The following CHSY3 variants were observed in gnomAD, a reference collection of about 807,000 sequenced individuals.
CHSY3 encodes the protein N-acetylgalactosaminyl-proteoglycan 3-beta-glucuronosyltransferase 3.
CHSY3 carries 35 observed loss-of-function variants against 67.2 expected under a neutral mutation model. The observed-to-expected ratio is 0.52, with a 90% CI of 0.40 to 0.69. The LOEUF is 0.69. Among genes scored for constraint, CHSY3 ranks in the 30% least tolerant of loss-of-function variants. The probability of loss-of-function intolerance (pLI) is 0.00; values close to 1 mark genes in which losing one functional copy is unlikely to be tolerated. For missense variants in CHSY3, 1,069 were observed against 1,138.5 expected, an observed-to-expected ratio of 0.94 and a Z score of 0.88; for synonymous variants, 474 against 434.7, an observed-to-expected ratio of 1.09 and a Z score of -1.12.
chr5:129,959,086 T>C (rs1762258260), intron 2 of CHSY3, among the ~76,000 whole-genome samples: 1 of 152,116 alleles, frequency 6.6e-6, no homozygotes, highest in African/African-American at 2.4e-5. Context: ...CTTTAGTGAA[T>C]TTGCATATTC....
intron 2 of CHSY3, among the ~76,000 whole-genome samples, chr5:129,963,196 GGCTTGGAAA>G (rs1762383290): frequency 6.6e-6 from 1 of 151,862 alleles, no homozygotes. Context: ...TTATTTCCCA[GGCTTGGAAA>G]GTGGATAATA....
chr5:130,063,712 C>T (rs1204339100), intron 2 of CHSY3, among the ~76,000 whole-genome samples: 1 of 152,006 alleles, frequency 6.6e-6, no homozygotes, highest in African/African-American at 2.4e-5. Context: ...GTTGATAAGT[C>T]GAAGATCCAG....
chr5:130,094,771 A>G (rs932923417), intron 2 of CHSY3, among the ~76,000 whole-genome samples: 1 of 152,172 alleles, frequency 6.6e-6, no homozygotes, highest in South Asian at 2.1e-4. Context: ...ACATAACCAC[A>G]TTGGGGGATG....
At chr5:130,099,135 C>G (rs748300737) in intron 2 of CHSY3, among the ~76,000 whole-genome samples, 2 of 152,210 alleles carry the variant, frequency 1.3e-5, no homozygotes, top group Non-Finnish European at 2.9e-5. Context: ...CTGTATACAT[C>G]TAAAATAAAC....
chr5:130,037,608 T>A (rs1348537862), intron 2 of CHSY3, among the ~76,000 whole-genome samples: 2 of 152,132 alleles, frequency 1.3e-5, no homozygotes, highest in East Asian at 3.9e-4. Context: ...TAATCATGCC[T>A]ACTTGTCAGG....
rs59359842 is a variant in CHSY3, at chr5:130,167,121, A to G, written c.1087-17108A>G. Among the ~76,000 whole-genome samples, 91 of 151,980 alleles carry G rather than the reference A, an allele frequency of 6.0e-4. 2 individuals carry two copies. In the East Asian group the frequency reaches 0.016, roughly 28 times the overall value. On this transcript the variant is annotated intron_variant, in intron 2 of 2. Coordinates refer to ENST00000305031, the MANE Select transcript of CHSY3 (RefSeq NM_175856.5). The stretch of plus-strand genomic sequence containing the variant: ...CTTTTTTTTCCCCTGCTCCTTTTTT[A>G]TTGTGTAAATTTAAGGTATACAACT...
chr5:130,087,854 T>C (rs1295199490), intron 2 of CHSY3, among the ~76,000 whole-genome samples: 1 of 150,940 alleles, frequency 6.6e-6, no homozygotes, highest in Non-Finnish European at 1.5e-5. Context: ...CTTCACAGAA[T>C]TGGAAAAAAC....
chr5:130,090,456 G>C (rs568843843), intron 2 of CHSY3, among the ~76,000 whole-genome samples: 1 of 152,254 alleles, frequency 6.6e-6, no homozygotes, highest in East Asian at 1.9e-4. Flanking sequence ...GGTCCACACA[G>C]GTGAGGTCAC....
chr5:130,048,757 C>T (rs964205459), intron 2 of CHSY3, among the ~76,000 whole-genome samples: 1 of 151,754 alleles, frequency 6.6e-6, no homozygotes, highest in African/African-American at 2.4e-5. Context: ...AGTCATCTTC[C>T]AACTTGTGAG....
chr5:129,924,441 AC>A (rs1761028533), intron 2 of CHSY3, among the ~76,000 whole-genome samples: 1 of 152,034 alleles, frequency 6.6e-6, no homozygotes, highest in Non-Finnish European at 1.5e-5. Flanking sequence ...AGATCAAGAG[AC>A]CAAGACCATC....
chr5:130,087,481 C>T (rs1213282293), intron 2 of CHSY3, among the ~76,000 whole-genome samples: 1 of 151,698 alleles, frequency 6.6e-6, no homozygotes, highest in African/African-American at 2.4e-5. Flanking sequence ...TTGTCTCAGC[C>T]CCAAATCTCC....
intron 2 of CHSY3, among the ~76,000 whole-genome samples, chr5:130,104,248 G>A (rs571700510): frequency 5.3e-5 from 8 of 151,738 alleles, no homozygotes; most frequent in Non-Finnish European, 1.2e-4. Context: ...ATTTCTCAGA[G>A]GATTAAAATT....
At chr5:129,943,793 T>C (rs145821434) in intron 2 of CHSY3, among the ~76,000 whole-genome samples, 2 of 152,350 alleles carry the variant, frequency 1.3e-5, no homozygotes, top group Middle Eastern at 3.4e-3. Flanking sequence ...AGACAGCTTA[T>C]ACACATAGAT....
At chr5:130,056,993 G>A (rs1295540909) in intron 2 of CHSY3, among the ~76,000 whole-genome samples, 1 of 143,094 alleles carries the variant, frequency 7.0e-6, no homozygotes, top group African/African-American at 2.7e-5. Flanking sequence ...GCGTGATCTC[G>A]GCTCACTGCA....
intron 2 of CHSY3, among the ~76,000 whole-genome samples, chr5:130,111,883 A>G (rs779419946): frequency 6.9e-6 from 1 of 145,112 alleles, no homozygotes; most frequent in Non-Finnish European, 1.6e-5. Flanking sequence ...TAACACACAC[A>G]TACCGGACTT....
At chr5:129,999,915 G>C (rs1357652313) in intron 2 of CHSY3, among the ~76,000 whole-genome samples, 1 of 151,990 alleles carries the variant, frequency 6.6e-6, no homozygotes, top group African/African-American at 2.4e-5. Flanking sequence ...AGGCATACTA[G>C]AAACCCCCTA....
At chr5:130,155,616 C>A (rs1201035194) in intron 2 of CHSY3, among the ~76,000 whole-genome samples, 1 of 152,170 alleles carries the variant, frequency 6.6e-6, no homozygotes, top group African/African-American at 2.4e-5. Flanking sequence ...AAATGCAAAT[C>A]CTGCCACAGG....
At chr5:130,143,808 GTGTATATATATATA>G (rs1285117270) in intron 2 of CHSY3, among the ~76,000 whole-genome samples, 1 of 34,070 alleles carries the variant, frequency 2.9e-5, no homozygotes, top group South Asian at 1.4e-3. Context: ...ATATATATGT[GTGTATATATATATA>G]TATATATATA....
chr5:130,175,214 AGAC>A, intron 2 of CHSY3, among the ~76,000 whole-genome samples: 1 of 151,296 alleles, frequency 6.6e-6, no homozygotes, highest in Admixed American at 6.6e-5. Flanking sequence ...CACCAATAAT[AGAC>A]AATCAGAGAG....
Sources: allele counts gnomAD v4.1 joint callset (sites outside exome capture counted in the v4.1 genomes callset), GRCh38; gene constraint gnomAD v4.1.1; transcripts MANE v1.5; gene names NCBI Gene and HGNC (gene_info 2026-07-23, HGNC 2026-07-21).